Variants in HTRA3 observed in about 807,000 individuals in gnomAD.
The protein encoded by HTRA3 is HtrA serine peptidase 3.
HTRA3 carries 41 observed loss-of-function variants against 43.2 expected under a neutral mutation model. That is an observed-to-expected ratio of 0.95 (90% CI 0.74 to 1.23). HTRA3 has a LOEUF of 1.23. Among genes scored for constraint, HTRA3 ranks in the 50% most tolerant of loss-of-function variants. The probability of loss-of-function intolerance (pLI) is 0.00; values close to 1 mark genes in which losing one functional copy is unlikely to be tolerated. For synonymous variants in HTRA3, 295 were observed against 287.9 expected (o/e 1.02, Z -0.25); for missense variants, 628 against 647.1 (o/e 0.97, Z 0.32).
At chr4:8,289,215 G>A (rs766996197) in intron 3 of HTRA3, among the ~76,000 whole-genome samples, 1 of 152,172 alleles carries the variant, frequency 6.6e-6, no homozygotes, top group African/African-American at 2.4e-5. Flanking sequence ...CTCCCAAAGT[G>A]TTGGGATTAC....
intron 1 of HTRA3, among the ~76,000 whole-genome samples, chr4:8,273,596 T>A (rs1381751327): frequency 6.8e-6 from 1 of 146,296 alleles, no homozygotes; most frequent in Non-Finnish European, 1.5e-5. Context: ...TCGGGCCCTA[T>A]CTCCAGCCCC....
chr4:8,298,524 T>TC (rs1713534015), intron 6 of HTRA3, among the ~76,000 whole-genome samples: 2 of 151,986 alleles, frequency 1.3e-5, no homozygotes, highest in Admixed American at 1.3e-4. Context: ...AGTCTGTTTT[T>TC]TTTTTTAATT....
intron 2 of HTRA3, among the ~76,000 whole-genome samples, chr4:8,283,450 T>C (rs568939065): frequency 1.8e-4 from 28 of 152,326 alleles, no homozygotes; most frequent in African/African-American, 6.7e-4. Flanking sequence ...AGCCCTGCCT[T>C]CAGAACCTCC....
At chr4:8,274,656 T>G (rs1284233141) in intron 1 of HTRA3, among the ~76,000 whole-genome samples, 1 of 152,026 alleles carries the variant, frequency 6.6e-6, no homozygotes, top group African/African-American at 2.4e-5. Context: ...TTGCACAGAG[T>G]GGATAAATGT....
chr4:8,297,683 G>T lies in HTRA3; in HGVS notation c.1051+3482G>T, dbSNP rs939379469. On this transcript the variant is annotated intron_variant, in intron 6 of 8. Coordinates refer to ENST00000307358, the MANE Select transcript of HTRA3 (RefSeq NM_053044.5). This position sits in a 1 kb window ranked among gnomAD's most constrained non-coding sequence, Gnocchi z 5.8. ...TGCAGGGGACTCCCAGGCAGTGGGA[G>T]TGGGAAGGGCCCATGTCCCAGGTGG... 6.6e-6 allele frequency among the ~76,000 whole-genome samples: 1 copy of T among 152,118 alleles called. No homozygotes were observed. Among genetic ancestry groups the T allele is most frequent in the Admixed American group, 6.5e-5 (1 of 15,282 alleles).
chr4:8,275,988 G>T (rs1207467796), intron 1 of HTRA3, among the ~76,000 whole-genome samples: 1 of 152,204 alleles, frequency 6.6e-6, no homozygotes, highest in East Asian at 1.9e-4. Context: ...GTGGGACAGG[G>T]TTTAAAATCA....
At chr4:8,294,829 TTCATCCATCCATCCACCTATCCA>T (rs1395981772) in intron 6 of HTRA3, among the ~76,000 whole-genome samples, 5 of 114,434 alleles carry the variant, frequency 4.4e-5, no homozygotes, top group African/African-American at 1.6e-4. Context: ...CATTCATCCA[TTCATCCATCCATCCACCTATCCA>T]TCATCCATCC....
intron 2 of HTRA3, among the ~76,000 whole-genome samples, chr4:8,284,565 T>A (rs921732287): frequency 6.6e-6 from 1 of 152,176 alleles, no homozygotes. Context: ...CCGCGGGCAT[T>A]TTCTGCAGAC....
At chr4:8,287,729 G>A (rs1713053013) in intron 3 of HTRA3, among the ~76,000 whole-genome samples, 1 of 152,168 alleles carries the variant, frequency 6.6e-6, no homozygotes, top group South Asian at 2.1e-4. Flanking sequence ...TGGCGACACA[G>A]AGCCAAACCA....
chr4:8,295,820 G>A lies in HTRA3; in HGVS notation c.1051+1619G>A. 8.0e-7 allele frequency: 1 copy of A among 1,244,134 alleles called. No homozygotes were observed. Among genetic ancestry groups the A allele is most frequent in the Non-Finnish European group, 1.0e-6 (1 of 992,690 alleles). 77.1% of individuals were successfully genotyped at this position (1,244,134 alleles called of 1,614,324 possible). On this transcript the variant is annotated intron_variant, in intron 6 of 8. Coordinates refer to ENST00000307358, the MANE Select transcript of HTRA3 (RefSeq NM_053044.5). The surrounding 1 kb of genome is among the most constrained non-coding windows in gnomAD (Gnocchi z 6.9). ...CTGGTGCCATGAGGGCTGGTCACATGAAGAGCTGCTGTTGAGGATGCCGCC... is the reference window on the plus strand; with the variant it reads ...CTGGTGCCATGAGGGCTGGTCACATAAAGAGCTGCTGTTGAGGATGCCGCC...
chr4:8,280,427 G>A (rs1189155275), intron 1 of HTRA3, among the ~76,000 whole-genome samples: 1 of 152,192 alleles, frequency 6.6e-6, no homozygotes, highest in East Asian at 1.9e-4. Flanking sequence ...AGGGAAGCAG[G>A]CTTTGTGGCT....
rs1211288860 is a variant in HTRA3, at chr4:8,286,790, G to A, written c.708+7G>A. The A allele has an allele frequency of 6.2e-7, 1 of 1,605,452 alleles. No homozygotes were observed. Among genetic ancestry groups the A allele is most frequent in the Admixed American group, 1.7e-5 (1 of 59,880 alleles). On this transcript the variant is annotated splice_region_variant and intron_variant, in intron 3 of 8. Transcript: ENST00000307358. This position sits in a 1 kb window ranked among gnomAD's most constrained non-coding sequence, Gnocchi z 4.9. ...CATCAAGATCCATCCCAAGGTGGGT[G>A]GGCGTGGGTGGAGGGGCGGAAGCAC... is the stretch of plus-strand genomic sequence containing the variant.
chr4:8,290,602 G>A (rs1420216625), intron 3 of HTRA3, among the ~76,000 whole-genome samples: 3 of 152,330 alleles, frequency 2.0e-5, no homozygotes, highest in South Asian at 4.1e-4. Flanking sequence ...GCACAGAACC[G>A]CCTTCCCCAA....
chr4:8,290,842 A>G (rs1207793553), intron 3 of HTRA3, among the ~76,000 whole-genome samples: 7 of 152,168 alleles, frequency 4.6e-5, no homozygotes, highest in Non-Finnish European at 1.0e-4. Context: ...GAGCTCGGCT[A>G]GTGGCTTCAC....
At chr4:8,275,791 C>T (rs566717884) in intron 1 of HTRA3, among the ~76,000 whole-genome samples, 1 of 152,326 alleles carries the variant, frequency 6.6e-6, no homozygotes, top group African/African-American at 2.4e-5. Flanking sequence ...ATGTCCTGGT[C>T]CTGTATGAGA....
Position 8,286,980 on chromosome 4 carries a change from T to C in HTRA3, c.708+197T>C, listed in dbSNP as rs7684413. Among the ~76,000 whole-genome samples the C allele has an allele frequency of 0.61, 92,324 of 151,768 alleles. 28,644 individuals carry two copies. The highest frequency in any genetic ancestry group is 0.82 in the East Asian group (4,199 of 5,132). On this transcript the variant is annotated intron_variant, in intron 3 of 8. Transcript: ENST00000307358. This position sits in a 1 kb window ranked among gnomAD's most constrained non-coding sequence, Gnocchi z 4.9. ...AGAACCCAGGTCTTTGGACTCCTTG[T>C]CCTGCGCTCCCTGAGCCGCTAGGTG...
At chr4:8,303,770 G>T (rs756251133) in intron 7 of HTRA3, among the ~76,000 whole-genome samples, 4 of 151,918 alleles carry the variant, frequency 2.6e-5, no homozygotes, top group Admixed American at 1.3e-4. Flanking sequence ...ACTCAGCATT[G>T]TCTGTCCGTT....
rs780806867 is a variant in HTRA3, at chr4:8,295,705, G to A, written c.1051+1504G>A. The A allele has an allele frequency of 2.9e-4, 406 of 1,417,466 alleles. No individual in the cohort carries two copies. The highest frequency in any genetic ancestry group is 3.2e-4 in the Non-Finnish European group (349 of 1,083,658). The allele number at this position is 1,417,466 out of a possible 1,614,324, so 87.8% of individuals were successfully genotyped here. Reference sequence around the variant, plus strand: ...GCTGTCTCCTCCCAGCCCCCTCACTGGCAGTTCATTGAGAGCAGGGGGCTT... The same window carrying A: ...GCTGTCTCCTCCCAGCCCCCTCACTAGCAGTTCATTGAGAGCAGGGGGCTT... On this transcript the variant is annotated intron_variant, in intron 6 of 8. Transcript: ENST00000307358. The surrounding 1 kb of genome is among the most constrained non-coding windows in gnomAD (Gnocchi z 6.9).
At chr4:8,274,460 C>G (rs1483213819) in intron 1 of HTRA3, among the ~76,000 whole-genome samples, 1 of 152,246 alleles carries the variant, frequency 6.6e-6, no homozygotes, top group Non-Finnish European at 1.5e-5. Flanking sequence ...GGCTCGAAGC[C>G]TCGCCGGGCA....
Sources: allele counts gnomAD v4.1 joint callset (sites outside exome capture counted in the v4.1 genomes callset), GRCh38; gene constraint gnomAD v4.1.1; non-coding constraint Gnocchi (gnomAD v3.1); transcripts MANE v1.5; gene names NCBI Gene and HGNC (gene_info 2026-07-23, HGNC 2026-07-21).